Variants in BMP6 observed in about 807,000 individuals in gnomAD.
BMP6 encodes VG-1-R.
A neutral mutation model predicts 54.1 loss-of-function variants in BMP6; 17 were observed. The observed-to-expected ratio is 0.31, with a 90% confidence interval of 0.22 to 0.47. The LOEUF is 0.47. BMP6 is among the 20% of genes least tolerant of loss of function. BMP6 has a pLI of 1.00. For synonymous variants in BMP6, 328 were observed against 291.2 expected (o/e 1.13, Z -1.28); for missense variants, 720 against 690.4 (o/e 1.04, Z -0.48).
intron 1 of BMP6, among the ~76,000 whole-genome samples, chr6:7,754,309 C>G (rs1310084053): frequency 1.3e-5 from 2 of 151,964 alleles, no homozygotes; most frequent in Non-Finnish European, 2.9e-5. Flanking sequence ...GATCAGGTCT[C>G]TCCATGTTGC....
At chr6:7,770,391 A>T (rs1459200953) in intron 1 of BMP6, among the ~76,000 whole-genome samples, 1 of 152,232 alleles carries the variant, frequency 6.6e-6, no homozygotes, top group Non-Finnish European at 1.5e-5. Flanking sequence ...GACTGGAACC[A>T]CATGTAACAA....
At chr6:7,741,895 A>G (rs1757272501) in intron 1 of BMP6, among the ~76,000 whole-genome samples, 1 of 152,220 alleles carries the variant, frequency 6.6e-6, no homozygotes, top group Non-Finnish European at 1.5e-5. Flanking sequence ...CTATCCTATT[A>G]AAATGTTTTA....
At chr6:7,829,714 A>G (rs1028095272) in intron 1 of BMP6, among the ~76,000 whole-genome samples, 6 of 152,086 alleles carry the variant, frequency 3.9e-5, no homozygotes, top group African/African-American at 1.4e-4. Flanking sequence ...TCAAATAAAA[A>G]TGCACCATCT....
At chr6:7,813,142 T>C (rs1581258695) in intron 1 of BMP6, among the ~76,000 whole-genome samples, 2 of 92,220 alleles carry the variant, frequency 2.2e-5, no homozygotes, top group South Asian at 8.3e-4. Context: ...TATATATATA[T>C]ATATATAAAA....
At chr6:7,780,204 G>A (rs1218463958) in intron 1 of BMP6, among the ~76,000 whole-genome samples, 1 of 152,194 alleles carries the variant, frequency 6.6e-6, no homozygotes, top group Non-Finnish European at 1.5e-5. Flanking sequence ...GCATCTCCTA[G>A]TGGGTGTTAG....
intron 1 of BMP6, among the ~76,000 whole-genome samples, chr6:7,842,845 A>G (rs1758998537): frequency 1.3e-5 from 2 of 152,204 alleles, no homozygotes; most frequent in South Asian, 4.1e-4. Flanking sequence ...TATTTTTTCT[A>G]AGGAAGTTTA....
At chr6:7,744,594 T>A (rs538670825) in intron 1 of BMP6, among the ~76,000 whole-genome samples, 2 of 152,336 alleles carry the variant, frequency 1.3e-5, no homozygotes, top group Admixed American at 6.5e-5. Context: ...AATGCACATT[T>A]CTTAAGCATA....
rs545595288 is a variant in BMP6 at position 7,817,452 on chromosome 6, A to G, written c.665-27688A>G. Among the ~76,000 whole-genome samples the G allele has an allele frequency of 7.9e-5, 12 of 152,232 alleles. 1 individual carries two copies. The highest frequency in any genetic ancestry group is 7.2e-4 in the Admixed American group (11 of 15,286). ...GACATGGATGAGGCTAGAAACCATCATTCTGAGAAACTATCACAAGGACAG... is the reference window on the plus strand; with the variant it reads ...GACATGGATGAGGCTAGAAACCATCGTTCTGAGAAACTATCACAAGGACAG... On this transcript the variant is annotated intron_variant, in intron 1 of 6. Coordinates refer to ENST00000283147, the MANE Select transcript of BMP6 (RefSeq NM_001718.6).
At chr6:7,768,362 A>G (rs1034196322) in intron 1 of BMP6, among the ~76,000 whole-genome samples, 4 of 152,090 alleles carry the variant, frequency 2.6e-5, no homozygotes, top group African/African-American at 9.7e-5. Flanking sequence ...GCCTCCAGCA[A>G]TTCGCCACTT....
At chr6:7,793,538 T>A (rs1301531680) in intron 1 of BMP6, among the ~76,000 whole-genome samples, 3 of 151,878 alleles carry the variant, frequency 2.0e-5, no homozygotes, top group Non-Finnish European at 4.4e-5. Context: ...GATAATGATG[T>A]GTCCGTGTAG....
rs1362055890 is a variant in BMP6, at chr6:7,726,399, C to T, written c.-557C>T. Among the ~76,000 whole-genome samples, 1 of 152,184 alleles carries T rather than the reference C, an allele frequency of 6.6e-6. No individual in the cohort carries two copies. Among genetic ancestry groups the T allele is most frequent in the Non-Finnish European group, 1.5e-5 (1 of 68,030 alleles). The stretch of plus-strand genomic sequence containing the variant: ...AACCTCGCGGAATAGACTGGCATTT[C>T]GGGACGCCTTGTCGCCGCAGCCTGG... On this transcript the variant is annotated 5_prime_UTR_variant, in exon 1 of 7. Coordinates refer to ENST00000283147, the MANE Select transcript of BMP6 (RefSeq NM_001718.6).
Position 7,727,631 on chromosome 6 carries a change from G to C in BMP6, c.664+12G>C. On this transcript the variant is annotated intron_variant, in intron 1 of 6. Coordinates refer to ENST00000283147, the MANE Select transcript of BMP6 (RefSeq NM_001718.6). The stretch of plus-strand genomic sequence containing the variant: ...CTTTGTGAACCTGGGTAAGGATTTG[G>C]GGTAACGTAATGACGAGAACATTTC... 1 of 1,532,298 alleles carries C rather than the reference G, an allele frequency of 6.5e-7. No individual in the cohort carries two copies. Among genetic ancestry groups the C allele is most frequent in the Non-Finnish European group, 8.7e-7 (1 of 1,147,328 alleles). The allele number at this position is 1,532,298 out of a possible 1,614,324, so 94.9% of individuals were successfully genotyped here.
Position 7,730,293 on chromosome 6 carries a change from G to A in BMP6, c.664+2674G>A, listed in dbSNP as rs185335625. 3.8e-4 allele frequency among the ~76,000 whole-genome samples: 58 copies of A among 152,116 alleles called. No individual in the cohort carries two copies. The East Asian group carries it at 4.6e-3, about 12-fold the overall frequency. Reference sequence around the variant, plus strand: ...CTCCCTAGGGATATTGACATTTTTCGTAAAGGATTTTGAAAGATCTAAAAA... The same window carrying A: ...CTCCCTAGGGATATTGACATTTTTCATAAAGGATTTTGAAAGATCTAAAAA... On this transcript the variant is annotated intron_variant, in intron 1 of 6. Coordinates refer to ENST00000283147, the MANE Select transcript of BMP6 (RefSeq NM_001718.6).
At chr6:7,738,601 G>A (rs1174655192) in intron 1 of BMP6, among the ~76,000 whole-genome samples, 1 of 151,666 alleles carries the variant, frequency 6.6e-6, no homozygotes, top group Non-Finnish European at 1.5e-5. Context: ...TCTGTTCCAG[G>A]TTGGACCCTC....
In BMP6 at chr6:7,872,451, T is replaced by C. The variant is rs992419142; in HGVS notation, c.1205-6623T>C. Among the ~76,000 whole-genome samples the C allele has an allele frequency of 1.1e-4, 16 of 152,348 alleles. 1 individual carries two copies. Among genetic ancestry groups the C allele is most frequent in the African/African-American group, 3.8e-4 (16 of 41,574 alleles). ...ATGGAATTATAAGGAAATTTAAGCA[T>C]GGCCTGAGAGTATCTGTAGGAAGAA... is the stretch of plus-strand genomic sequence containing the variant. On this transcript the variant is annotated intron_variant, in intron 4 of 6. Coordinates refer to ENST00000283147, the MANE Select transcript of BMP6 (RefSeq NM_001718.6).
chr6:7,830,008 CT>C (rs1218185933), intron 1 of BMP6, among the ~76,000 whole-genome samples: 2 of 152,166 alleles, frequency 1.3e-5, no homozygotes, highest in Non-Finnish European at 2.9e-5. Flanking sequence ...ACATTGCTGC[CT>C]TTTGATCTCA....
intron 1 of BMP6, among the ~76,000 whole-genome samples, chr6:7,821,349 G>A (rs1408449170): frequency 6.6e-6 from 1 of 152,096 alleles, no homozygotes; most frequent in Non-Finnish European, 1.5e-5. Flanking sequence ...GCCCATGACT[G>A]CTGAGCCTTG....
At chr6:7,869,227 G>A (rs531842791) in intron 4 of BMP6, among the ~76,000 whole-genome samples, 2 of 152,346 alleles carry the variant, frequency 1.3e-5, no homozygotes, top group African/African-American at 4.8e-5. Context: ...CTTCTCCTCT[G>A]GGTCTCATAC....
chr6:7,795,393 T>C (rs1758177251), intron 1 of BMP6, among the ~76,000 whole-genome samples: 1 of 151,704 alleles, frequency 6.6e-6, no homozygotes, highest in Non-Finnish European at 1.5e-5. Context: ...GACTGGGGAG[T>C]GCTCCAGGCT....
Sources: gnomAD v4.1 joint callset for allele counts (sites outside exome capture counted in the v4.1 genomes callset) on GRCh38, gnomAD v4.1.1 for gene constraint, MANE v1.5 for transcripts, NCBI Gene and HGNC (gene_info 2026-07-23, HGNC 2026-07-21) for gene names.